The following RANBP2 variants were observed in gnomAD, a reference collection of about 807,000 sequenced individuals.
RANBP2 encodes the protein E3 SUMO-protein ligase RanBP2.
A neutral mutation model predicts 303.6 loss-of-function variants in RANBP2; 57 were observed. That is an observed-to-expected ratio of 0.19 (90% CI 0.15 to 0.23). The LOEUF is 0.23. RANBP2 is among the 10% of genes least tolerant of loss of function. The pLI, the probability that RANBP2 is intolerant of heterozygous loss-of-function variation, is 1.00. For synonymous variants in RANBP2, 1,167 were observed against 1,301.5 expected, an observed-to-expected ratio of 0.90 and a Z score of 2.23; for missense variants, 3,138 against 3,780.8, an observed-to-expected ratio of 0.83 and a Z score of 4.46.
the RANBP2 span, chr2:109,399,085 T>C: frequency 6.9e-6 from 7 of 1,016,240 alleles, no homozygotes; most frequent in Non-Finnish European, 9.9e-6. Context: ...GTTTGCCCTT[T>C]GCTGCCTGGC....
chr2:109,063,026 C>T, the RANBP2 span, among the ~76,000 whole-genome samples: 1 of 152,296 alleles, frequency 6.6e-6, no homozygotes, highest in South Asian at 2.1e-4. Context: ...CTTGATGTCC[C>T]CTTTCTCCTT....
the RANBP2 span, among the ~76,000 whole-genome samples, chr2:108,826,046 A>G: frequency 6.6e-6 from 1 of 152,098 alleles, no homozygotes; most frequent in African/African-American, 2.4e-5. Flanking sequence ...GGCCGTTTGG[A>G]TATCTTTTAT....
intron 17 of RANBP2, among the ~76,000 whole-genome samples, chr2:108,757,250 G>GGT (rs4012049): frequency 1.3e-5 from 2 of 152,120 alleles, no homozygotes; most frequent in East Asian, 1.9e-4. Context: ...TAGGTTCTAG[G>GGT]GTTGGGTATG....
At chr2:109,731,950 G>A in the RANBP2 span, among the ~76,000 whole-genome samples, 1 of 151,744 alleles carries the variant, frequency 6.6e-6, no homozygotes, top group Non-Finnish European at 1.5e-5. Context: ...CAGGGCTCAG[G>A]TGATCCTCCC....
the RANBP2 span, among the ~76,000 whole-genome samples, chr2:109,559,946 G>A: frequency 7.0e-6 from 1 of 143,658 alleles, no homozygotes; most frequent in Admixed American, 6.9e-5. Flanking sequence ...TTTAAGATGG[G>A]GTCTCGCTCT....
the RANBP2 span, among the ~76,000 whole-genome samples, chr2:109,441,911 T>C: frequency 2.6e-5 from 4 of 152,082 alleles, no homozygotes; most frequent in Admixed American, 6.5e-5. Context: ...GAAAGAAATA[T>C]AGCTGTCAAT....
the RANBP2 span, among the ~76,000 whole-genome samples, chr2:109,002,267 G>A: frequency 6.6e-6 from 1 of 152,182 alleles, no homozygotes; most frequent in Non-Finnish European, 1.5e-5. Context: ...TGGTGCCTGG[G>A]GCCAGCTGTC....
the RANBP2 span, among the ~76,000 whole-genome samples, chr2:109,733,374 AC>A: frequency 6.6e-6 from 1 of 152,164 alleles, no homozygotes; most frequent in Non-Finnish European, 1.5e-5. Flanking sequence ...AGGAAATAAC[AC>A]CCTTTCATAA....
the RANBP2 span, among the ~76,000 whole-genome samples, chr2:108,907,237 T>C: frequency 1.3e-5 from 2 of 152,250 alleles, no homozygotes; most frequent in Non-Finnish European, 2.9e-5. Flanking sequence ...ATTGTCTGGT[T>C]AGATAAAACC....
the RANBP2 span, among the ~76,000 whole-genome samples, chr2:109,706,188 A>G: frequency 2.0e-5 from 3 of 152,204 alleles, no homozygotes; most frequent in Admixed American, 6.5e-5. Flanking sequence ...TTCTCAGAGC[A>G]GCAGACCAGG....
chr2:109,347,984 A>C, the RANBP2 span: 1 of 1,564,960 alleles, frequency 6.4e-7, no homozygotes, highest in Non-Finnish European at 8.7e-7. Context: ...CCGCCAGCCC[A>C]TGCAGCCTCT....
chr2:108,782,683 C>A lies in RANBP2; in HGVS notation c.9190C>A (p.Pro3064Thr). ...LAAELSKETN[P>T]VVFFDVCADG... ...AGCAGAATTATCAAAGGAGACCAAT[C>A]CTGTGGTGTTTTTTGATGTTTGTGC... The change falls in exon 28 of 29, where the codon CCT becomes ACT. Residue 3064 changes from proline (P) to threonine (T), a missense_variant. By Grantham distance (38) the Pro-to-Thr change is conservative. This residue lies in a region of RANBP2 where 204 missense variants were observed against 228.4 expected (regional missense o/e 0.89). Transcript: ENST00000283195. 6.2e-7 allele frequency: 1 copy of A among 1,614,172 alleles called. No individual in the cohort carries two copies. The highest frequency in any genetic ancestry group is 8.5e-7 in the Non-Finnish European group (1 of 1,180,024).
the RANBP2 span, among the ~76,000 whole-genome samples, chr2:109,306,662 C>G: frequency 2.0e-5 from 3 of 152,016 alleles, no homozygotes; most frequent in Non-Finnish European, 2.9e-5. Context: ...GTCGGTGGAC[C>G]CCAAATGCCC....
At chr2:109,234,238 G>C in the RANBP2 span, among the ~76,000 whole-genome samples, 1 of 152,154 alleles carries the variant, frequency 6.6e-6, no homozygotes, top group Non-Finnish European at 1.5e-5. Context: ...TTTCTGAATG[G>C]ACTAGATTCT....
At chr2:109,185,158 C>T in the RANBP2 span, among the ~76,000 whole-genome samples, 3 of 152,214 alleles carry the variant, frequency 2.0e-5, no homozygotes, top group Admixed American at 2.0e-4. Flanking sequence ...GAGATATTTT[C>T]CTGATTGTTA....
chr2:109,437,005 G>A, the RANBP2 span: 2 of 1,613,836 alleles, frequency 1.2e-6, no homozygotes, highest in Non-Finnish European at 1.7e-6. Context: ...GAGCAGCCTG[G>A]CCACTGCCAC....
the RANBP2 span, chr2:109,613,971 G>C: frequency 8.3e-7 from 1 of 1,202,594 alleles, no homozygotes; most frequent in East Asian, 3.4e-5. Flanking sequence ...GAAGGGACAG[G>C]GGCGGGGCCG....
chr2:109,614,354 C>A, the RANBP2 span: 1 of 758,520 alleles, frequency 1.3e-6, no homozygotes, highest in East Asian at 3.9e-5. Flanking sequence ...TGGCCGAGTC[C>A]TCTGGCCTCA....
chr2:108,782,997 C>G (rs1678361312), intron 28 of RANBP2, 135 bp downstream of exon 28: 4 of 773,126 alleles, frequency 5.2e-6, no homozygotes, highest in African/African-American at 1.7e-5. Flanking sequence ...CACATGGAAT[C>G]ACATGGCATC....
Sources: gnomAD v4.1 joint callset for allele counts (sites outside exome capture counted in the v4.1 genomes callset) on GRCh38, gnomAD v4.1.1 for gene constraint, gnomAD v4.1.1 regional missense constraint, MANE v1.5 for transcripts, NCBI Gene and HGNC (gene_info 2026-07-23, HGNC 2026-07-21) for gene names.